Variants in KCNMA1 observed in about 807,000 individuals in gnomAD.
KCNMA1 encodes the protein potassium calcium-activated channel subfamily M alpha 1.
Under a neutral mutation model 140.0 loss-of-function variants are expected in KCNMA1, and 29 were observed. The ratio of observed to expected loss-of-function variants is 0.21; its 90% CI spans 0.15 to 0.28. The LOEUF (loss-of-function observed/expected upper bound fraction) is 0.28, where lower values mean the gene tolerates loss of function less well. Among genes scored for constraint, KCNMA1 ranks in the 10% least tolerant of loss-of-function variants. The pLI is 1.00. For missense variants in KCNMA1, 880 were observed against 1,602.2 expected (o/e 0.55, Z 7.70); for synonymous variants, 612 against 611.9 (o/e 1.00, Z 0.00).
At chr10:77,023,408 C>G (rs975287043) in intron 16 of KCNMA1, among the ~76,000 whole-genome samples, 1 of 152,116 alleles carries the variant, frequency 6.6e-6, no homozygotes, top group African/African-American at 2.4e-5. Context: ...ATTCCTCAGG[C>G]AATTTTTAAA....
At chr10:77,167,463 G>A (rs746127055) in intron 5 of KCNMA1, among the ~76,000 whole-genome samples, 4 of 152,100 alleles carry the variant, frequency 2.6e-5, no homozygotes, top group African/African-American at 9.7e-5. Context: ...CTTTCCTATA[G>A]TAGGGCTAAA....
chr10:76,872,908 T>G (rs551135819), downstream of KCNMA1: 12 of 152,294 alleles, frequency 7.9e-5, no homozygotes, highest in Admixed American at 5.2e-4. Flanking sequence ...TCTTCCCAGA[T>G]TCTTAATGTA....
chr10:77,609,425 TG>T (rs1284560573), intron 1 of KCNMA1, among the ~76,000 whole-genome samples: 1 of 152,060 alleles, frequency 6.6e-6, no homozygotes, highest in Non-Finnish European at 1.5e-5. Context: ...AGCAGAACAG[TG>T]GTTACCAGGG....
intron 5 of KCNMA1, 44 bp downstream of exon 5, chr10:77,183,377 T>C: frequency 7.5e-7 from 1 of 1,326,444 alleles, no homozygotes; most frequent in Non-Finnish European, 1.1e-6. Flanking sequence ...CCTTCAGCCA[T>C]GACTCAGGAA....
At chr10:77,083,648 G>C (rs1226741442) in intron 12 of KCNMA1, among the ~76,000 whole-genome samples, 1 of 151,858 alleles carries the variant, frequency 6.6e-6, no homozygotes, top group Non-Finnish European at 1.5e-5. Context: ...GGGCAACATA[G>C]CAAGACCCTG....
At chr10:77,436,429 T>G (rs1342900999) in intron 1 of KCNMA1, among the ~76,000 whole-genome samples, 1 of 149,266 alleles carries the variant, frequency 6.7e-6, no homozygotes, top group Admixed American at 6.6e-5. Context: ...TGTTAACAGA[T>G]TACTAACCAT....
At chr10:77,063,790 G>A (rs757867465) in intron 14 of KCNMA1, 4 of 985,246 alleles carry the variant, frequency 4.1e-6, no homozygotes, top group Non-Finnish European at 4.8e-6. Flanking sequence ...TTGGAAGAGT[G>A]GGGAGGCAGA....
In KCNMA1 at chr10:77,090,443, T is replaced by C; in HGVS notation, c.1291A>G (p.Lys431Glu). Residue 431 changes from lysine (K) to glutamate (E), a missense_variant, in exon 10 of 28, where the codon AAG (lysine) becomes GAG (glutamate). This residue lies in a region of KCNMA1 where 198 missense variants were observed against 580.1 expected (regional missense o/e 0.34). Coordinates refer to ENST00000286628, the MANE Select transcript of KCNMA1 (RefSeq NM_001161352.2). ...VSNFLKDFLH[K>E]DRDDVNVEIV... The stretch of plus-strand genomic sequence containing the variant: ...TCCACATTGACGTCATCCCGGTCCT[T>C]GTGCAGAAAGTCCTTCAGGAAGTTG... 1 of 1,614,066 alleles carries C rather than the reference T, an allele frequency of 6.2e-7. No individual in the cohort carries two copies. The highest frequency in any genetic ancestry group is 8.5e-7 in the Non-Finnish European group (1 of 1,179,922).
At chr10:77,028,048 C>A (rs1176535110) in intron 15 of KCNMA1, among the ~76,000 whole-genome samples, 157 bp from the exon 16 acceptor site, 1 of 152,172 alleles carries the variant, frequency 6.6e-6, no homozygotes, top group African/African-American at 2.4e-5. Context: ...GGAAGCAACA[C>A]CTCCCCATCT....
At chr10:76,899,640 A>G (rs2044189831) in intron 25 of KCNMA1, among the ~76,000 whole-genome samples, 1 of 152,158 alleles carries the variant, frequency 6.6e-6, no homozygotes, top group African/African-American at 2.4e-5. Context: ...AATATTTACC[A>G]TCTGGCTCTT....
intron 2 of KCNMA1, among the ~76,000 whole-genome samples, chr10:77,283,357 G>A (rs1005846478): frequency 6.6e-6 from 1 of 152,210 alleles, no homozygotes; most frequent in Non-Finnish European, 1.5e-5. Context: ...AGGAGGCAGG[G>A]TTTCATTTCA....
At chr10:77,605,284 G>A (rs1287543733) in intron 1 of KCNMA1, among the ~76,000 whole-genome samples, 4 of 152,220 alleles carry the variant, frequency 2.6e-5, no homozygotes, top group East Asian at 1.9e-4. Context: ...GGTAACACAG[G>A]AAAGAGCTGG....
At chr10:76,878,886 A>T (rs1000973323) in intron 29 of KCNMA1, among the ~76,000 whole-genome samples, 2 of 152,206 alleles carry the variant, frequency 1.3e-5, no homozygotes, top group Non-Finnish European at 1.5e-5. Flanking sequence ...CAAATAGGAC[A>T]TTCTAACTTG....
At position 77,496,431 on chromosome 10, in the gene KCNMA1, C is replaced by T. The variant is rs150384723; in HGVS notation, c.379-92408G>A. ...CTAACATGGTGAAACCCCGTCTCTA[C>T]TAAAAATACAAAAAAATTAGCCAGG... On this transcript the variant is annotated intron_variant, in intron 1 of 27. Transcript: ENST00000286628. 9.0e-3 allele frequency among the ~76,000 whole-genome samples: 1,367 copies of T among 151,964 alleles called. 25 individuals are homozygous for T. The highest frequency in any genetic ancestry group is 0.031 in the African/African-American group (1,267 of 41,464).
intron 2 of KCNMA1, among the ~76,000 whole-genome samples, chr10:77,300,964 C>T (rs950307045): frequency 2.0e-5 from 3 of 152,150 alleles, no homozygotes; most frequent in African/African-American, 7.2e-5. Flanking sequence ...AAGTGAGGCC[C>T]GGGCATCAGC....
At chr10:77,210,704 A>T (rs189001554) in intron 3 of KCNMA1, among the ~76,000 whole-genome samples, 35 of 152,354 alleles carry the variant, frequency 2.3e-4, no homozygotes, top group African/African-American at 8.4e-4. Flanking sequence ...CTGATCAATG[A>T]TTTTAGCAAG....
At chr10:77,370,629 T>C (rs183189517) in intron 2 of KCNMA1, among the ~76,000 whole-genome samples, 1 of 152,212 alleles carries the variant, frequency 6.6e-6, no homozygotes. Context: ...ATGTTGAGAC[T>C]GGACCAAGCA....
intron 2 of KCNMA1, among the ~76,000 whole-genome samples, chr10:77,352,944 TGGAAAGG>T (rs2093068129): frequency 6.6e-6 from 1 of 152,188 alleles, no homozygotes; most frequent in Admixed American, 6.5e-5. Context: ...CCGACTTAGT[TGGAAAGG>T]CAAAGGCCAA....
chr10:77,301,491 G>T (rs1300302154), intron 2 of KCNMA1, among the ~76,000 whole-genome samples: 1 of 152,094 alleles, frequency 6.6e-6, no homozygotes, highest in East Asian at 1.9e-4. Flanking sequence ...TAAACTTGAT[G>T]GACTTTTGAA....
Sources: gnomAD v4.1 joint callset for allele counts (sites outside exome capture counted in the v4.1 genomes callset) on GRCh38, gnomAD v4.1.1 for gene constraint, gnomAD v4.1.1 regional missense constraint, MANE v1.5 for transcripts, NCBI Gene and HGNC (gene_info 2026-07-23, HGNC 2026-07-21) for gene names.